TMEM184B: variants seen among roughly 807,000 people sequenced by gnomAD.
TMEM184B encodes the protein putative MAPK-activating protein FM08.
In TMEM184B, 17 loss-of-function variants were observed where a neutral mutation model predicts 41.8. That is an observed-to-expected ratio of 0.41 (90% confidence interval 0.28 to 0.61). The LOEUF is 0.61. TMEM184B is among the 20% of genes least tolerant of loss of function. TMEM184B has a pLI of 0.34. For missense variants in TMEM184B, 393 were observed against 557.8 expected (o/e 0.70, Z 2.98); for synonymous variants, 240 against 229.5 (o/e 1.05, Z -0.41).
intron 3 of TMEM184B, among the ~76,000 whole-genome samples, chr22:38,237,668 T>C (rs2091809482): frequency 6.6e-6 from 1 of 152,230 alleles, no homozygotes; most frequent in Non-Finnish European, 1.5e-5. Flanking sequence ...TTATGCCTCT[T>C]TTCAGTGATG....
chr22:38,247,756 C>A lies in TMEM184B; in HGVS notation c.192+14G>T. 7 of 1,605,852 alleles carry A rather than the reference C, an allele frequency of 4.4e-6. No individual in the cohort carries two copies. Among genetic ancestry groups the A allele is most frequent in the South Asian group, 1.1e-5 (1 of 90,312 alleles). ...TCTGGACCTTTCTAGAGGCCCCTTG[C>A]CAGGCTTGGGTACCTGGTGGCATGT... On this transcript the variant is annotated intron_variant, in intron 2 of 8. Transcript: ENST00000361906.
At chr22:38,248,305 C>T (rs1424643070) in intron 1 of TMEM184B, among the ~76,000 whole-genome samples, 1 of 152,210 alleles carries the variant, frequency 6.6e-6, no homozygotes, top group African/African-American at 2.4e-5. Flanking sequence ...TAGCTCCCAG[C>T]TCCCCTAGAG....
chr22:38,271,949 T>C (rs1238614013), intron 1 of TMEM184B, among the ~76,000 whole-genome samples: 1 of 152,226 alleles, frequency 6.6e-6, no homozygotes, highest in Non-Finnish European at 1.5e-5. Context: ...GTGAGCTTGT[T>C]TGCCTGGCTG....
chr22:38,258,300 A>ATTTTT (rs752882414), intron 1 of TMEM184B, among the ~76,000 whole-genome samples: 1 of 141,268 alleles, frequency 7.1e-6, no homozygotes, highest in South Asian at 2.3e-4. Context: ...ATTTTTCCAA[A>ATTTTT]TTTTTTTTTT....
In TMEM184B at chr22:38,272,609, T is replaced by A; in HGVS notation, c.-59+275A>T. 4.1e-6 allele frequency: 4 copies of A among 985,448 alleles called. No individual in the cohort carries two copies. In the South Asian group the frequency reaches 1.9e-4, roughly 46 times the overall value. 61.0% of individuals were successfully genotyped at this position (985,448 alleles called of 1,614,324 possible). A position where few individuals can be genotyped will look rare whatever the true frequency, so the allele number is the denominator to read the frequency against. ...GGGGCCGCCCCCCGGACAGGTCCGA[T>A]TACACTCCAGGAGCTGCCCCCGCCA... On this transcript the variant is annotated intron_variant, in intron 1 of 8. Coordinates refer to ENST00000361906, the MANE Select transcript of TMEM184B (RefSeq NM_012264.5).
chr22:38,241,883 C>CAAAAAAAAAAAAAAA lies in TMEM184B; in HGVS notation c.358+4037_358+4051dup, dbSNP rs34060428. Among the ~76,000 whole-genome samples, 109 of 32,592 alleles carry CAAAAAAAAAAAAAAA rather than the reference C, an allele frequency of 3.3e-3. 11 individuals are homozygous for CAAAAAAAAAAAAAAA. Among genetic ancestry groups the CAAAAAAAAAAAAAAA allele is most frequent in the Middle Eastern group, 0.019 (1 of 54 alleles). The allele number at this position is 32,592 out of a possible 152,430, so 21.4% of individuals were successfully genotyped here. ...TGGGTGACAGAGCGAGACTCCGTCT[C>CAAAAAAAAAAAAAAA]AAAAAAAAAAAAAAAAAAAAAAAAG... On this transcript the variant is annotated intron_variant, in intron 3 of 8. Coordinates refer to ENST00000361906, the MANE Select transcript of TMEM184B (RefSeq NM_012264.5).
chr22:38,220,722 C>A lies in TMEM184B; in HGVS notation c.*747G>T. 1.0e-6 allele frequency: 1 copy of A among 986,348 alleles called. No individual in the cohort carries two copies. The highest frequency in any genetic ancestry group is 1.2e-6 in the Non-Finnish European group (1 of 830,298). 61.1% of individuals were successfully genotyped at this position (986,348 alleles called of 1,614,324 possible). ...GAAGGACCCAAGTGAGCCGGCAGTG[C>A]GGGCTGTGGGCTGTCCTTGGTAGGC... On this transcript the variant is annotated 3_prime_UTR_variant, in exon 9 of 9. Transcript: ENST00000361906.
chr22:38,219,069 G>A (rs115408619), downstream of TMEM184B, among the ~76,000 whole-genome samples: 4,448 of 152,296 alleles, frequency 0.029, 183 homozygotes, highest in African/African-American at 0.092. Context: ...CCTGCGGCCC[G>A]GCCGTCCTGG....
chr22:38,252,260 C>T (rs2092181851), intron 1 of TMEM184B, among the ~76,000 whole-genome samples: 1 of 152,014 alleles, frequency 6.6e-6, no homozygotes, highest in African/African-American at 2.4e-5. Flanking sequence ...GGGGTTTTAC[C>T]ATGTTACTCA....
Position 38,226,839 on chromosome 22 carries a change from A to T in TMEM184B, c.557T>A (p.Leu186His). 1 of 1,603,152 alleles carries T rather than the reference A, an allele frequency of 6.2e-7. No homozygotes were observed. Among genetic ancestry groups the T allele is most frequent in the Non-Finnish European group, 8.5e-7 (1 of 1,175,018 alleles). Residue 186 changes from leucine to histidine, a missense_variant, in exon 6 of 9, where the codon CTC becomes CAC. By Grantham distance (99) the Leu-to-His change is moderately conservative. Transcript: ENST00000361906. This position sits in a 1 kb window ranked among gnomAD's most constrained non-coding sequence, Gnocchi z 4.6. The part of the protein sequence containing the change: ...ATLQFCVVKP[L>H]MAVSTVVLQA... ...GAGGACCACAGTGCTGACCGCCATG[A>T]GTGGCTTCACCACACAGAACTGCAG...
intron 3 of TMEM184B, among the ~76,000 whole-genome samples, chr22:38,235,438 A>T (rs1179822286): frequency 6.6e-6 from 1 of 152,226 alleles, no homozygotes; most frequent in Non-Finnish European, 1.5e-5. Context: ...ACACTTTTGA[A>T]TTACGTGGCC....
At chr22:38,245,808 A>G in intron 3 of TMEM184B, 127 bp downstream of exon 3, 1 of 974,868 alleles carries the variant, frequency 1.0e-6, no homozygotes, top group Non-Finnish European at 1.5e-6. Context: ...GAAACCCTGT[A>G]GTAGGTAAAG....
Position 38,225,151 on chromosome 22 carries a change from A to G in TMEM184B, c.788-172T>C, listed in dbSNP as rs1051948165. ...CAAGGCCACAGCCTCCGGAAACCCC[A>G]CTCTCCCAGCTCTTTGCCACCGAAA... On this transcript the variant is annotated intron_variant, in intron 7 of 8. Coordinates refer to ENST00000361906, the MANE Select transcript of TMEM184B (RefSeq NM_012264.5). This position sits in a 1 kb window ranked among gnomAD's most constrained non-coding sequence, Gnocchi z 4.4. Among the ~76,000 whole-genome samples, 1 of 151,130 alleles carries G rather than the reference A, an allele frequency of 6.6e-6. No individual in the cohort carries two copies. The highest frequency in any genetic ancestry group is 1.5e-5 in the Non-Finnish European group (1 of 67,750).
intron 3 of TMEM184B, among the ~76,000 whole-genome samples, chr22:38,235,680 A>G (rs1232846423): frequency 6.6e-6 from 1 of 152,258 alleles, no homozygotes; most frequent in Non-Finnish European, 1.5e-5. Flanking sequence ...AACCGGCCCA[A>G]GCCTGGCCCC....
chr22:38,219,795 C>CTG lies in TMEM184B; in HGVS notation c.*1673_*1674insCA. The CTG allele has an allele frequency of 1.0e-6, 1 of 985,530 alleles. No individual in the cohort carries two copies. Among genetic ancestry groups the CTG allele is most frequent in the Non-Finnish European group, 1.2e-6 (1 of 830,008 alleles). 61.0% of individuals were successfully genotyped at this position (985,530 alleles called of 1,614,324 possible). On this transcript the variant is annotated 3_prime_UTR_variant, in exon 9 of 9. Coordinates refer to ENST00000361906, the MANE Select transcript of TMEM184B (RefSeq NM_012264.5). ...TGGCGGGGCAGGGCCAGGGCTGGTC[C>CTG]TCAGCCTGTGTCTGCACCCACCCTC...
chr22:38,218,273 G>A (rs2091174262), downstream of TMEM184B, among the ~76,000 whole-genome samples: 1 of 152,210 alleles, frequency 6.6e-6, no homozygotes, highest in Non-Finnish European at 1.5e-5. Flanking sequence ...CCTGAAGAAG[G>A]AGTGGAGTAT....
Position 38,231,667 on chromosome 22 carries a change from GA to G in TMEM184B, c.359-334del, listed in dbSNP as rs1257320341. 1.0e-5 allele frequency: 5 copies of G among 481,700 alleles called. No individual in the cohort carries two copies. The East Asian group carries it at 2.0e-4, about 20-fold the overall frequency. The allele number at this position is 481,700 out of a possible 1,614,324, so 29.8% of individuals were successfully genotyped here. A position where few individuals can be genotyped will look rare whatever the true frequency, so the allele number is the denominator to read the frequency against. On this transcript the variant is annotated intron_variant, in intron 3 of 8. Transcript: ENST00000361906. The stretch of plus-strand genomic sequence containing the variant: ...AAGGGTGGGTACTCAGGAGGTTTGG[GA>G]GGGCTGGCAGTGTCGACCCTGGGGC...
At chr22:38,247,392 G>T (rs1386864594) in intron 2 of TMEM184B, among the ~76,000 whole-genome samples, 1 of 152,260 alleles carries the variant, frequency 6.6e-6, no homozygotes, top group African/African-American at 2.4e-5. Context: ...GATGGGCGAG[G>T]CTTGAAGCCA....
intron 1 of TMEM184B, among the ~76,000 whole-genome samples, chr22:38,249,150 CTTGA>C (rs1367871061): frequency 6.6e-6 from 1 of 152,176 alleles, no homozygotes; most frequent in African/African-American, 2.4e-5. Flanking sequence ...CAATACTTAA[CTTGA>C]TTATTATTAT....
Sources: gnomAD v4.1 joint callset for allele counts (sites outside exome capture counted in the v4.1 genomes callset) on GRCh38, gnomAD v4.1.1 for gene constraint, Gnocchi (gnomAD v3.1) non-coding constraint, MANE v1.5 for transcripts, NCBI Gene and HGNC (gene_info 2026-07-23, HGNC 2026-07-21) for gene names.